The following PLPPR5 variants were observed in gnomAD, a reference collection of about 807,000 sequenced individuals.
The protein encoded by PLPPR5 is phospholipid phosphatase related 5.
A neutral mutation model predicts 33.9 loss-of-function variants in PLPPR5; 16 were observed. The observed-to-expected ratio is 0.47, with a 90% CI of 0.32 to 0.72. PLPPR5 has a LOEUF of 0.72. PLPPR5 is among the 30% of genes least tolerant of loss of function. The probability of loss-of-function intolerance (pLI) is 0.03; values close to 1 mark genes in which losing one functional copy is unlikely to be tolerated. For synonymous variants in PLPPR5, 163 were observed against 150.3 expected (o/e 1.08, Z -0.62); for missense variants, 301 against 406.7 (o/e 0.74, Z 2.23).
chr1:98,962,001 T>C lies in PLPPR5; in HGVS notation c.238-5260A>G, dbSNP rs76125376. On this transcript the variant is annotated intron_variant, in intron 1 of 5. Transcript: ENST00000263177. Reference sequence around the variant, plus strand: ...ATCTCAACATGCTCATATCTACCTATTGGAAGGCCACACAGCCTTTACATC... The same window carrying C: ...ATCTCAACATGCTCATATCTACCTACTGGAAGGCCACACAGCCTTTACATC... Among the ~76,000 whole-genome samples, 977 of 152,252 alleles carry C rather than the reference T, an allele frequency of 6.4e-3. 17 individuals are homozygous for C. Among genetic ancestry groups the C allele is most frequent in the African/African-American group, 0.023 (948 of 41,548 alleles).
At chr1:98,947,224 T>C (rs1650589154) in intron 3 of PLPPR5, among the ~76,000 whole-genome samples, 1 of 152,246 alleles carries the variant, frequency 6.6e-6, no homozygotes, top group Non-Finnish European at 1.5e-5. Context: ...AACGTCAATG[T>C]TCTTTGCTTT....
chr1:98,964,423 A>T (rs1651360865), intron 1 of PLPPR5, among the ~76,000 whole-genome samples: 2 of 152,178 alleles, frequency 1.3e-5, no homozygotes, highest in Admixed American at 1.3e-4. Flanking sequence ...CCCATGGATC[A>T]GCCTTTCACG....
chr1:98,901,914 T>G (rs879764948), intron 5 of PLPPR5, among the ~76,000 whole-genome samples: 5 of 152,100 alleles, frequency 3.3e-5, no homozygotes, highest in Non-Finnish European at 7.4e-5. Flanking sequence ...GGTTAGAGAA[T>G]TTATATGGAT....
intron 2 of PLPPR5, among the ~76,000 whole-genome samples, chr1:98,954,475 T>C (rs1570729749): frequency 6.6e-6 from 1 of 152,154 alleles, no homozygotes; most frequent in Admixed American, 6.5e-5. Context: ...TTATTGGCTG[T>C]TGTATAGTAT....
chr1:98,921,839 G>A (rs753280810), intron 4 of PLPPR5, 43 bp downstream of exon 4: 2 of 1,505,226 alleles, frequency 1.3e-6, no homozygotes, highest in Non-Finnish European at 1.8e-6. Context: ...GATTATGCAA[G>A]TTAATTAAAA....
chr1:98,957,204 G>A, intron 1 of PLPPR5, among the ~76,000 whole-genome samples: 1 of 132,954 alleles, frequency 7.5e-6, no homozygotes. Context: ...GGGGAGGGGG[G>A]AGGGATAGCA....
chr1:98,937,164 G>A (rs1424799612), intron 3 of PLPPR5, among the ~76,000 whole-genome samples: 3 of 151,952 alleles, frequency 2.0e-5, no homozygotes, highest in African/African-American at 7.2e-5. Flanking sequence ...CAGGCAGTGA[G>A]GGGATGCAAC....
chr1:98,930,005 T>G (rs1366111259), intron 3 of PLPPR5, among the ~76,000 whole-genome samples: 1 of 152,246 alleles, frequency 6.6e-6, no homozygotes, highest in Non-Finnish European at 1.5e-5. Flanking sequence ...TATATTTGAT[T>G]GCTATAATTC....
chr1:98,996,885 G>C (rs144804627), intron 1 of PLPPR5, among the ~76,000 whole-genome samples: 1 of 152,010 alleles, frequency 6.6e-6, no homozygotes, highest in Non-Finnish European at 1.5e-5. Context: ...TTGCCTGCTA[G>C]GAATGCCATC....
intron 3 of PLPPR5, among the ~76,000 whole-genome samples, chr1:98,934,828 A>G (rs569082808): frequency 1.9e-4 from 29 of 152,162 alleles, no homozygotes; most frequent in Non-Finnish European, 3.7e-4. Context: ...GGCCATTTTT[A>G]TGAGAGATTT....
intron 1 of PLPPR5, among the ~76,000 whole-genome samples, chr1:98,986,723 CTCTT>C (rs1652277618): frequency 6.6e-6 from 1 of 151,778 alleles, no homozygotes; most frequent in African/African-American, 2.4e-5. Context: ...TAGAAGGTAA[CTCTT>C]TATGTTTTTC....
chr1:98,949,495 A>G (rs1307818780), intron 3 of PLPPR5, among the ~76,000 whole-genome samples: 1 of 152,218 alleles, frequency 6.6e-6, no homozygotes, highest in Non-Finnish European at 1.5e-5. Context: ...ATGTATGTTT[A>G]TAACACCAAC....
At chr1:98,912,353 A>G (rs1345033211) in intron 5 of PLPPR5, among the ~76,000 whole-genome samples, 1 of 152,208 alleles carries the variant, frequency 6.6e-6, no homozygotes, top group Non-Finnish European at 1.5e-5. Context: ...TAGAGGAGAA[A>G]GTAGTTCACT....
intron 1 of PLPPR5, among the ~76,000 whole-genome samples, chr1:98,999,246 G>A (rs548055296): frequency 5.3e-5 from 8 of 152,250 alleles, no homozygotes; most frequent in Non-Finnish European, 8.8e-5. Flanking sequence ...GAGCTAACAC[G>A]TATACAGCTG....
intron 4 of PLPPR5, among the ~76,000 whole-genome samples, chr1:98,920,593 CAA>C (rs763477562): frequency 1.2e-4 from 8 of 69,006 alleles, no homozygotes; most frequent in Admixed American, 3.7e-4. Flanking sequence ...GTGGTATCAC[CAA>C]AAAAAAAAAA....
At chr1:98,980,808 G>T (rs1258359061) in intron 1 of PLPPR5, among the ~76,000 whole-genome samples, 1 of 151,926 alleles carries the variant, frequency 6.6e-6, no homozygotes, top group Admixed American at 6.6e-5. Flanking sequence ...CATAGAAAGA[G>T]AAATAAAAAT....
intron 5 of PLPPR5, among the ~76,000 whole-genome samples, chr1:98,913,420 T>C (rs571414649): frequency 6.6e-6 from 1 of 152,300 alleles, no homozygotes; most frequent in South Asian, 2.1e-4. Flanking sequence ...GGTATCATTT[T>C]CCCCAAGTGG....
chr1:98,984,147 A>C (rs1652163711), intron 1 of PLPPR5, among the ~76,000 whole-genome samples: 1 of 151,974 alleles, frequency 6.6e-6, no homozygotes, highest in Admixed American at 6.6e-5. Context: ...GAACTACTAA[A>C]GCAGCCTGGC....
intron 4 of PLPPR5, among the ~76,000 whole-genome samples, chr1:98,917,300 C>T (rs1395714695): frequency 6.6e-6 from 1 of 152,198 alleles, no homozygotes; most frequent in Admixed American, 6.5e-5. Flanking sequence ...CTTATATTTG[C>T]TTCATTTTAT....
Sources: allele counts gnomAD v4.1 joint callset (sites outside exome capture counted in the v4.1 genomes callset), GRCh38; gene constraint gnomAD v4.1.1; transcripts MANE v1.5; gene names NCBI Gene and HGNC (gene_info 2026-07-23, HGNC 2026-07-21).